Variants in TBC1D9B observed in about 807,000 individuals in gnomAD.
TBC1D9B encodes the protein TBC1 domain family member 9B, also known as TBC1 domain family, member 9B (with GRAM domain).
In TBC1D9B, 87 loss-of-function variants were observed where a neutral mutation model predicts 121.1. That is an observed-to-expected ratio of 0.72 (90% CI 0.60 to 0.86). The LOEUF is 0.86. Ranked by LOEUF, TBC1D9B falls within the 40% of genes least tolerant of loss-of-function variation. The pLI is 0.00. For synonymous variants in TBC1D9B, 668 were observed against 670.1 expected, an observed-to-expected ratio of 1.00 and a Z score of 0.05; for missense variants, 1,540 against 1,628.6, an observed-to-expected ratio of 0.95 and a Z score of 0.94.
At position 179,885,482 on chromosome 5, in the gene TBC1D9B, G is replaced by A. The variant is rs142101207; in HGVS notation, c.1254+2621C>T. 5.1e-3 allele frequency among the ~76,000 whole-genome samples: 773 copies of A among 152,082 alleles called. 5 individuals are homozygous for A. Among genetic ancestry groups the A allele is most frequent in the African/African-American group, 0.018 (735 of 41,490 alleles). On this transcript the variant is annotated intron_variant, in intron 7 of 20. Coordinates refer to ENST00000355235, the MANE Select transcript of TBC1D9B (RefSeq NM_015043.4). The surrounding 1 kb of genome is among the most constrained non-coding windows in gnomAD (Gnocchi z 4.5). ...TGGACGCCTGTAATCCCAGCTACTC[G>A]GGAGGCTGAGGCAGGAGAATCACTT...
In TBC1D9B at chr5:179,904,220, C is replaced by CTTTCT. The variant is rs1554098283; in HGVS notation, c.229+481_229+482insAGAAA. The stretch of plus-strand genomic sequence containing the variant: ...CTGTCCCCATGACCAGTGGAGCTGC[C>CTTTCT]TTTTTTTTTTTTTTTTTTTTTTGAG... On this transcript the variant is annotated intron_variant, in intron 2 of 20. Transcript: ENST00000355235. The surrounding 1 kb of genome is among the most constrained non-coding windows in gnomAD (Gnocchi z 4.2). Among the ~76,000 whole-genome samples, 1,745 of 80,878 alleles carry CTTTCT rather than the reference C, an allele frequency of 0.022. 226 individuals are homozygous for CTTTCT. The highest frequency in any genetic ancestry group is 0.08 in the African/African-American group (1,607 of 20,004). The allele number at this position is 80,878 out of a possible 152,430, so 53.1% of individuals were successfully genotyped here.
At chr5:179,867,719 A>C in intron 18 of TBC1D9B, 59 bp downstream of exon 18, 1 of 1,603,096 alleles carries the variant, frequency 6.2e-7, no homozygotes, top group Non-Finnish European at 8.5e-7. Context: ...CCCCACAGGA[A>C]GGCGGCGGTG....
chr5:179,901,988 T>C (rs1761178045), intron 2 of TBC1D9B, among the ~76,000 whole-genome samples: 1 of 152,206 alleles, frequency 6.6e-6, no homozygotes, highest in African/African-American at 2.4e-5. Context: ...TACCATTATT[T>C]TCATTTTACC....
chr5:179,874,821 T>A lies in TBC1D9B; in HGVS notation c.2186+81A>T, dbSNP rs1760312595. 1 of 1,550,172 alleles carries A rather than the reference T, an allele frequency of 6.5e-7. No individual in the cohort carries two copies. Among genetic ancestry groups the A allele is most frequent in the African/African-American group, 1.4e-5 (1 of 73,946 alleles). On this transcript the variant is annotated intron_variant, in intron 12 of 20. Transcript: ENST00000355235. This position sits in a 1 kb window ranked among gnomAD's most constrained non-coding sequence, Gnocchi z 4.3. ...CTGGCACTTGGTGGGCACAGTCACT[T>A]CAGGCTGACTGGACAGTGCCCGGGG...
chr5:179,894,295 T>A (rs1437178310), intron 4 of TBC1D9B, 91 bp downstream of exon 4: 5 of 1,213,004 alleles, frequency 4.1e-6, no homozygotes, highest in Non-Finnish European at 5.8e-6. Context: ...GAGACCCCTC[T>A]GGTGGCCATG....
intron 2 of TBC1D9B, among the ~76,000 whole-genome samples, chr5:179,900,368 T>A (rs1326757725): frequency 6.6e-6 from 1 of 152,138 alleles, no homozygotes; most frequent in Non-Finnish European, 1.5e-5. Context: ...CCCCAGCACC[T>A]GTTTCTGGGG....
chr5:179,894,570 G>A lies in TBC1D9B; in HGVS notation c.393C>T (p.Asp131=), dbSNP rs139768405. 2.8e-4 allele frequency: 457 copies of A among 1,614,192 alleles called. 1 individual carries two copies. The highest frequency in any genetic ancestry group is 2.5e-3 in the South Asian group (230 of 91,080). ...CCTCCTTGAACTTCCCGGGGTCCTC[G>A]TCTCCCTGGGGCTGCAGGTTCTTGT... ...EENKNLQPQG[D]EDPGKFKEAE... Residue 131 remains aspartate, a synonymous_variant, in exon 4 of 21, where the codon GAC becomes GAT. Transcript: ENST00000355235.
At chr5:179,893,088 G>T in intron 5 of TBC1D9B, 121 bp downstream of exon 5, 1 of 1,385,394 alleles carries the variant, frequency 7.2e-7, no homozygotes, top group Non-Finnish European at 9.6e-7. Flanking sequence ...CAAGTGGGGA[G>T]CCCATGAGGG....
chr5:179,884,814 G>T (rs911949539), intron 7 of TBC1D9B, among the ~76,000 whole-genome samples: 2 of 152,190 alleles, frequency 1.3e-5, no homozygotes, highest in African/African-American at 4.8e-5. Flanking sequence ...TTCAATTCAA[G>T]TCAAAAAGGT....
At position 179,907,316 on chromosome 5, in the gene TBC1D9B, G is replaced by A. The variant is rs1761351627; in HGVS notation, c.118+388C>T. ...CACCTGGCCCCTTAGAGGCACCTGGGGAAACTGAGGTGGAGGATGAGGACA... is the reference window on the plus strand; with the variant it reads ...CACCTGGCCCCTTAGAGGCACCTGGAGAAACTGAGGTGGAGGATGAGGACA... On this transcript the variant is annotated intron_variant, in intron 1 of 20. Coordinates refer to ENST00000355235, the MANE Select transcript of TBC1D9B (RefSeq NM_015043.4). This position sits in a 1 kb window ranked among gnomAD's most constrained non-coding sequence, Gnocchi z 5.3. Among the ~76,000 whole-genome samples, 1 of 152,136 alleles carries A rather than the reference G, an allele frequency of 6.6e-6. No homozygotes were observed. The highest frequency in any genetic ancestry group is 6.5e-5 in the Admixed American group (1 of 15,288).
intron 5 of TBC1D9B, among the ~76,000 whole-genome samples, chr5:179,892,838 C>T (rs1409092094): frequency 6.6e-6 from 1 of 152,212 alleles, no homozygotes; most frequent in Non-Finnish European, 1.5e-5. Context: ...GCTGAGGTGG[C>T]TACATCCTGG....
At chr5:179,880,808 T>C (rs1458278960) in intron 7 of TBC1D9B, among the ~76,000 whole-genome samples, 3 of 151,264 alleles carry the variant, frequency 2.0e-5, no homozygotes, top group Admixed American at 6.6e-5. Context: ...CCTGTGATGT[T>C]AGAAATGGAT....
intron 1 of TBC1D9B, among the ~76,000 whole-genome samples, chr5:179,906,516 T>C (rs1761320335): frequency 6.6e-6 from 1 of 152,114 alleles, no homozygotes; most frequent in Admixed American, 6.5e-5. Flanking sequence ...GATGACACCC[T>C]GGCGCGCTGG....
intron 10 of TBC1D9B, among the ~76,000 whole-genome samples, chr5:179,878,078 A>G (rs2113618077): frequency 6.6e-6 from 1 of 152,378 alleles, no homozygotes; most frequent in African/African-American, 2.4e-5. Context: ...CCAAACACAT[A>G]CAACAATCAA....
chr5:179,895,729 G>A (rs991371769), intron 3 of TBC1D9B, among the ~76,000 whole-genome samples: 1 of 152,212 alleles, frequency 6.6e-6, no homozygotes, highest in Non-Finnish European at 1.5e-5. Context: ...GCTGGTGGCT[G>A]GGCCACCCCC....
chr5:179,889,257 T>A (rs1337967049), intron 6 of TBC1D9B, among the ~76,000 whole-genome samples: 1 of 152,058 alleles, frequency 6.6e-6, no homozygotes, highest in Non-Finnish European at 1.5e-5. Context: ...CTCGATCTCC[T>A]GACCTCGTGA....
chr5:179,865,784 A>G lies in TBC1D9B; in HGVS notation c.2914+54T>C. 6.5e-7 allele frequency: 1 copy of G among 1,534,102 alleles called. No individual in the cohort carries two copies. The highest frequency in any genetic ancestry group is 8.8e-7 in the Non-Finnish European group (1 of 1,137,680). ...GTGACTGGGGAAAAGACCAGCAAGCAAGGGTGCCTCAACGCTGGGGTCTCT... is the reference window on the plus strand; with the variant it reads ...GTGACTGGGGAAAAGACCAGCAAGCGAGGGTGCCTCAACGCTGGGGTCTCT... On this transcript the variant is annotated intron_variant, in intron 19 of 20. Transcript: ENST00000355235. This position sits in a 1 kb window ranked among gnomAD's most constrained non-coding sequence, Gnocchi z 5.1.
chr5:179,894,691 G>T, intron 3 of TBC1D9B, 77 bp from the exon 4 acceptor site: 1 of 1,486,932 alleles, frequency 6.7e-7, no homozygotes, highest in East Asian at 2.3e-5. Flanking sequence ...AGAGGCCCAG[G>T]GAACCCAGGA....
Position 179,875,912 on chromosome 5 carries a change from A to T in TBC1D9B, c.1900+8T>A. 6.3e-7 allele frequency: 1 copy of T among 1,598,304 alleles called. No homozygotes were observed. Among genetic ancestry groups the T allele is most frequent in the African/African-American group, 1.3e-5 (1 of 74,680 alleles). ...GACCCAGGCGAGGCAGCACCCGGGG[A>T]CACTCACCCACCACCCTGGTGTTGT... On this transcript the variant is annotated splice_region_variant and intron_variant, in intron 11 of 20. Transcript: ENST00000355235. This position sits in a 1 kb window ranked among gnomAD's most constrained non-coding sequence, Gnocchi z 4.5.
Sources: allele counts gnomAD v4.1 joint callset (sites outside exome capture counted in the v4.1 genomes callset), GRCh38; gene constraint gnomAD v4.1.1; non-coding constraint Gnocchi (gnomAD v3.1); transcripts MANE v1.5; gene names NCBI Gene and HGNC (gene_info 2026-07-23, HGNC 2026-07-21).